NPRL2: variants seen among roughly 807,000 people sequenced by gnomAD.
The protein encoded by NPRL2 is NPR2 like, GATOR1 complex subunit.
In NPRL2, 21 loss-of-function variants were observed where a neutral mutation model predicts 51.1. The ratio of observed to expected loss-of-function variants is 0.41; its 90% CI spans 0.29 to 0.59. The LOEUF (loss-of-function observed/expected upper bound fraction) is 0.59, where lower values mean the gene tolerates loss of function less well. Ranked by LOEUF, NPRL2 falls within the 20% of genes least tolerant of loss-of-function variation. NPRL2 has a pLI of 0.29. For synonymous variants in NPRL2, 175 were observed against 187.8 expected, an observed-to-expected ratio of 0.93 and a Z score of 0.56; for missense variants, 376 against 483.4, an observed-to-expected ratio of 0.78 and a Z score of 2.08.
Position 50,348,556 on chromosome 3 carries a change from C to A in NPRL2, c.691G>T (p.Gly231Cys), listed in dbSNP as rs754424831. 2.5e-6 allele frequency: 4 copies of A among 1,614,096 alleles called. No individual in the cohort carries two copies. The highest frequency in any genetic ancestry group is 3.4e-6 in the Non-Finnish European group (4 of 1,180,032). Reference protein sequence around the residue: ...RIAIQNLLYYGVVTLVSILQY... With the variant: ...RIAIQNLLYYCVVTLVSILQY... The stretch of plus-strand genomic sequence containing the variant: ...AGGATGGACACCAGTGTCACAACGC[C>A]GTAGTACCTGAGAGAGAGAGCTGTG... Residue 231 changes from glycine to cysteine, a missense_variant, in exon 7 of 11, where the codon GGC (glycine) becomes TGC (cysteine). Coordinates refer to ENST00000232501, the MANE Select transcript of NPRL2 (RefSeq NM_006545.5). The surrounding 1 kb of genome is among the most constrained non-coding windows in gnomAD (Gnocchi z 5.8).
At position 50,349,743 on chromosome 3, in the gene NPRL2, G is replaced by A. The variant is rs1361871242; in HGVS notation, c.261C>T (p.Phe87=). 19 of 1,613,950 alleles carry A rather than the reference G, an allele frequency of 1.2e-5. No individual in the cohort carries two copies. The highest frequency in any genetic ancestry group is 3.3e-4 in the Middle Eastern group (2 of 6,062). The change falls in exon 3 of 11, where the codon TTC becomes TTT. Residue 87 remains phenylalanine (F), a synonymous_variant. Coordinates refer to ENST00000232501, the MANE Select transcript of NPRL2 (RefSeq NM_006545.5). This position sits in a 1 kb window ranked among gnomAD's most constrained non-coding sequence, Gnocchi z 4.6. ...SRNALLFNLG[F]VCDAQAKTCA... ...AGGTCTTGGCCTGGGCATCACACAC[G>A]AAGCCCAGGTTGAAGAGGAGAGCAT...
rs773952922 is a variant in NPRL2, at chr3:50,348,532, G to C, written c.715C>G (p.Leu239Val). 2 of 1,614,128 alleles carry C rather than the reference G, an allele frequency of 1.2e-6. No individual in the cohort carries two copies. Among genetic ancestry groups the C allele is most frequent in the Non-Finnish European group, 1.7e-6 (2 of 1,180,022 alleles). ...ACCAAACCCAACTCACCTACCTGGA[G>C]GATGGACACCAGTGTCACAACGCCG... ...YYGVVTLVSI[L>V]QYSNVYCPTP... is the part of the protein sequence containing the mutation. The change falls in exon 7 of 11, where the codon CTC becomes GTC. Residue 239 changes from leucine (L) to valine (V), a missense_variant. By Grantham distance (32) the Leu-to-Val change is conservative. Transcript: ENST00000232501. This position sits in a 1 kb window ranked among gnomAD's most constrained non-coding sequence, Gnocchi z 5.8.
In NPRL2 at chr3:50,347,470, A is replaced by C; in HGVS notation, c.*136T>G. The stretch of plus-strand genomic sequence containing the variant: ...GCTGGGTCTCCCACGGCTGGCCCAG[A>C]AACAGCACTCAATAAAGGCTGTTTG... On this transcript the variant is annotated 3_prime_UTR_variant, in exon 11 of 11. Coordinates refer to ENST00000232501, the MANE Select transcript of NPRL2 (RefSeq NM_006545.5). 8.8e-7 allele frequency: 1 copy of C among 1,134,048 alleles called. No homozygotes were observed. The highest frequency in any genetic ancestry group is 1.4e-5 in the South Asian group (1 of 73,464). 70.2% of individuals were successfully genotyped at this position (1,134,048 alleles called of 1,614,324 possible).
Position 50,347,797 on chromosome 3 carries a change from G to A in NPRL2, c.1037C>T (p.Thr346Ile), listed in dbSNP as rs1373463888. 1.9e-6 allele frequency: 3 copies of A among 1,613,976 alleles called. No homozygotes were observed. The highest frequency in any genetic ancestry group is 1.1e-5 in the South Asian group (1 of 91,082). The change falls in exon 10 of 11, where the codon ACA becomes ATA. Residue 346 changes from threonine (T) to isoleucine (I), a missense_variant. Coordinates refer to ENST00000232501, the MANE Select transcript of NPRL2 (RefSeq NM_006545.5). Reference sequence around the variant, plus strand: ...GATCTCGTCATAGCTGTGGCAGCCTGTATAAAGCCGGGCAGGGTGGCTCTG... The same window carrying A: ...GATCTCGTCATAGCTGTGGCAGCCTATATAAAGCCGGGCAGGGTGGCTCTG... ...EEQSHPARLY[T>I]GCHSYDEICC...
chr3:50,349,752 G>T lies in NPRL2; in HGVS notation c.252C>A (p.Asn84Lys). ...KKYSRNALLFNLGFVCDAQAK... is the reference protein window; with the variant it reads ...KKYSRNALLFKLGFVCDAQAK... ...CCTGGGCATCACACACGAAGCCCAGGTTGAAGAGGAGAGCATTGCGGCTGT... is the reference window on the plus strand; with the variant it reads ...CCTGGGCATCACACACGAAGCCCAGTTTGAAGAGGAGAGCATTGCGGCTGT... Residue 84 changes from asparagine to lysine, a missense_variant, in exon 3 of 11, where the codon AAC becomes AAA. Physicochemically the swap from Asn to Lys is moderately conservative, Grantham distance 94. Transcript: ENST00000232501. The surrounding 1 kb of genome is among the most constrained non-coding windows in gnomAD (Gnocchi z 4.6). 6.2e-7 allele frequency: 1 copy of T among 1,614,012 alleles called. No individual in the cohort carries two copies. Among genetic ancestry groups the T allele is most frequent in the Non-Finnish European group, 8.5e-7 (1 of 1,180,020 alleles).
In NPRL2 at chr3:50,349,462, G is replaced by A. The variant is rs1443507454; in HGVS notation, c.372C>T (p.Ser124=). ...TCATGATGGGCACCAACTTCTGCTT[G>A]CTCTCCTCCATGGACACGAAGCTGC... ...LESSFVSMEE[S]KQKLVPIMTI... The change falls in exon 4 of 11, where the codon AGC becomes AGT. Residue 124 remains serine, a synonymous_variant. Coordinates refer to ENST00000232501, the MANE Select transcript of NPRL2 (RefSeq NM_006545.5). The surrounding 1 kb of genome is among the most constrained non-coding windows in gnomAD (Gnocchi z 4.6). 3.1e-6 allele frequency: 5 copies of A among 1,613,664 alleles called. No homozygotes were observed. Among genetic ancestry groups the A allele is most frequent in the Admixed American group, 1.7e-5 (1 of 59,986 alleles).
chr3:50,348,096 C>T lies in NPRL2; in HGVS notation c.932+28G>A, dbSNP rs1575560154. The T allele has an allele frequency of 3.1e-6, 5 of 1,612,120 alleles. No individual in the cohort carries two copies. The East Asian group carries it at 1.1e-4, about 36-fold the overall frequency. On this transcript the variant is annotated intron_variant, in intron 9 of 10. Transcript: ENST00000232501. The surrounding 1 kb of genome is among the most constrained non-coding windows in gnomAD (Gnocchi z 5.8). ...GGTCTAGCTTCCCTCAGGTAACTCC[C>T]AAATGCCCCAGCAAATTCTCCTCTG...
chr3:50,347,965 C>G, intron 9 of NPRL2, 64 bp from the exon 10 acceptor site: 1 of 1,608,280 alleles, frequency 6.2e-7, no homozygotes. Context: ...CAGGCCAACC[C>G]TTTCCTGTAG....
chr3:50,349,288 C>G lies in NPRL2; in HGVS notation c.448+98G>C. On this transcript the variant is annotated intron_variant, in intron 4 of 10. Coordinates refer to ENST00000232501, the MANE Select transcript of NPRL2 (RefSeq NM_006545.5). This position sits in a 1 kb window ranked among gnomAD's most constrained non-coding sequence, Gnocchi z 4.6. ...CAGCCCATGGCTATTTCCTGCCCACCAATGTGTTCATGAGTCTTGCCCTTC... is the reference window on the plus strand; with the variant it reads ...CAGCCCATGGCTATTTCCTGCCCACGAATGTGTTCATGAGTCTTGCCCTTC... 9.0e-7 allele frequency: 1 copy of G among 1,105,236 alleles called. No individual in the cohort carries two copies. The highest frequency in any genetic ancestry group is 2.5e-5 in the East Asian group (1 of 40,652). 68.5% of individuals were successfully genotyped at this position (1,105,236 alleles called of 1,614,324 possible). A position where few individuals can be genotyped will look rare whatever the true frequency, so the allele number is the denominator to read the frequency against.
At position 50,347,349 on chromosome 3, in the gene NPRL2, TTTTTTTTG is replaced by T; in HGVS notation, c.*249_*256del. On this transcript the variant is annotated 3_prime_UTR_variant, in exon 11 of 11. Transcript: ENST00000232501. Reference sequence around the variant, plus strand: ...GGACGATTTTTTTTTTTTTTTTTTTTTTTTTTTGTAATTAACCGGCACTTTTATTTGTC... The same window carrying T: ...GGACGATTTTTTTTTTTTTTTTTTTTTAATTAACCGGCACTTTTATTTGTC... The T allele has an allele frequency of 1.3e-5, 3 of 234,758 alleles. No homozygotes were observed. The highest frequency in any genetic ancestry group is 2.5e-5 in the Non-Finnish European group (3 of 120,894). The allele number at this position is 234,758 out of a possible 1,614,324, so 14.5% of individuals were successfully genotyped here.
Position 50,349,072 on chromosome 3 carries a change from C to G in NPRL2, c.449-62G>C. 5 of 1,571,780 alleles carry G rather than the reference C, an allele frequency of 3.2e-6. No homozygotes were observed. The South Asian group carries it at 5.8e-5, about 18-fold the overall frequency. On this transcript the variant is annotated intron_variant, in intron 4 of 10. Transcript: ENST00000232501. This position sits in a 1 kb window ranked among gnomAD's most constrained non-coding sequence, Gnocchi z 4.6. ...CTTCCAAGAGGTCCTCAATTACCAT[C>G]CAGGCCTCCCAGCATCCCTTGGGGC...
At position 50,349,907 on chromosome 3, in the gene NPRL2, G is replaced by T; in HGVS notation, c.170+24C>A. On this transcript the variant is annotated intron_variant, in intron 2 of 10. Transcript: ENST00000232501. The surrounding 1 kb of genome is among the most constrained non-coding windows in gnomAD (Gnocchi z 4.6). ...CCTGGGACAACCCCTGCCACCCACC[G>T]CTCACCCCGAGCTAGGGTCTCACAC... 2 of 1,613,422 alleles carry T rather than the reference G, an allele frequency of 1.2e-6. No homozygotes were observed. Among genetic ancestry groups the T allele is most frequent in the Middle Eastern group, 3.3e-4 (2 of 6,060 alleles).
In NPRL2 at chr3:50,348,494, C is replaced by T. The variant is rs1215987730; in HGVS notation, c.720+33G>A. ...CCTGGTCTGGTCCAGCCACATGATC[C>T]ACTCTCCACTTAACCAAACCCAACT... On this transcript the variant is annotated intron_variant, in intron 7 of 10. Coordinates refer to ENST00000232501, the MANE Select transcript of NPRL2 (RefSeq NM_006545.5). This position sits in a 1 kb window ranked among gnomAD's most constrained non-coding sequence, Gnocchi z 5.8. 7.4e-6 allele frequency: 12 copies of T among 1,613,986 alleles called. No homozygotes were observed. In the East Asian group the frequency reaches 2.2e-4, roughly 30 times the overall value.
rs755032294 is a variant in NPRL2, at chr3:50,348,614, T to C, written c.684-51A>G. Reference sequence around the variant, plus strand: ...TCTGAGGACCATGCCTTCCCAACCCTCACACCCAGGGCCCCTGAGGTCTTC... The same window carrying C: ...TCTGAGGACCATGCCTTCCCAACCCCCACACCCAGGGCCCCTGAGGTCTTC... On this transcript the variant is annotated intron_variant, in intron 6 of 10. Coordinates refer to ENST00000232501, the MANE Select transcript of NPRL2 (RefSeq NM_006545.5). The surrounding 1 kb of genome is among the most constrained non-coding windows in gnomAD (Gnocchi z 5.8). 1 of 1,613,950 alleles carries C rather than the reference T, an allele frequency of 6.2e-7. No homozygotes were observed. Among genetic ancestry groups the C allele is most frequent in the South Asian group, 1.1e-5 (1 of 91,074 alleles).
In NPRL2 at chr3:50,349,799, C is replaced by T. The variant is rs898935413; in HGVS notation, c.205G>A (p.Val69Met). The change falls in exon 3 of 11, where the codon GTG becomes ATG. Residue 69 changes from valine (V) to methionine (M), a missense_variant. Val to Met is a conservative substitution (Grantham distance 21, BLOSUM62 1). Coordinates refer to ENST00000232501, the MANE Select transcript of NPRL2 (RefSeq NM_006545.5). This position sits in a 1 kb window ranked among gnomAD's most constrained non-coding sequence, Gnocchi z 4.6. Reference sequence around the variant, plus strand: ...CTGTACTTCTTGTGTTCGATGCACACAGGACAGCCGATCAGCTTCTTTTCC... The same window carrying T: ...CTGTACTTCTTGTGTTCGATGCACATAGGACAGCCGATCAGCTTCTTTTCC... ...AMEKKLIGCP[V>M]CIEHKKYSRN... 2 of 1,613,320 alleles carry T rather than the reference C, an allele frequency of 1.2e-6. No individual in the cohort carries two copies. The highest frequency in any genetic ancestry group is 2.2e-5 in the East Asian group (1 of 44,860).
In NPRL2 at chr3:50,347,448, G is replaced by A; in HGVS notation, c.*158C>T. 1.2e-6 allele frequency: 1 copy of A among 810,930 alleles called. No homozygotes were observed. Among genetic ancestry groups the A allele is most frequent in the Non-Finnish European group, 1.9e-6 (1 of 512,840 alleles). The allele number at this position is 810,930 out of a possible 1,614,324, so 50.2% of individuals were successfully genotyped here. A position where few individuals can be genotyped will look rare whatever the true frequency, so the allele number is the denominator to read the frequency against. On this transcript the variant is annotated 3_prime_UTR_variant, in exon 11 of 11. Transcript: ENST00000232501. ...GCTCGTGGCTATTTCATTCACTGCT[G>A]GGTCTCCCACGGCTGGCCCAGAAAC...
At position 50,347,688 on chromosome 3, in the gene NPRL2, G is replaced by A. The variant is rs1327618784; in HGVS notation, c.1076-15C>T. The A allele has an allele frequency of 2.5e-6, 4 of 1,614,028 alleles. No homozygotes were observed. The highest frequency in any genetic ancestry group is 1.7e-5 in the Admixed American group (1 of 60,024). ...GTAGCTCATGCCTGGGTGGGGTGGT[G>A]GAGGAGAGGTCAGTGGCCTTGGCCT... is the stretch of plus-strand genomic sequence containing the variant. On this transcript the variant is annotated splice_polypyrimidine_tract_variant and intron_variant, in intron 10 of 10. Transcript: ENST00000232501.
rs758275717 is a variant in NPRL2 at position 50,348,619 on chromosome 3, C to T, written c.684-56G>A. On this transcript the variant is annotated intron_variant, in intron 6 of 10. Coordinates refer to ENST00000232501, the MANE Select transcript of NPRL2 (RefSeq NM_006545.5). The surrounding 1 kb of genome is among the most constrained non-coding windows in gnomAD (Gnocchi z 5.8). Reference sequence around the variant, plus strand: ...GGACCATGCCTTCCCAACCCTCACACCCAGGGCCCCTGAGGTCTTCCCTGG... The same window carrying T: ...GGACCATGCCTTCCCAACCCTCACATCCAGGGCCCCTGAGGTCTTCCCTGG... The T allele has an allele frequency of 6.2e-7, 1 of 1,613,942 alleles. No individual in the cohort carries two copies. Among genetic ancestry groups the T allele is most frequent in the South Asian group, 1.1e-5 (1 of 91,078 alleles).
In NPRL2 at chr3:50,347,495, G is replaced by C. The variant is rs1345240862; in HGVS notation, c.*111C>G. 42 of 1,395,462 alleles carry C rather than the reference G, an allele frequency of 3.0e-5. No homozygotes were observed. The highest frequency in any genetic ancestry group is 4.3e-5 in the African/African-American group (3 of 70,584). 86.4% of individuals were successfully genotyped at this position (1,395,462 alleles called of 1,614,324 possible). A position where few individuals can be genotyped will look rare whatever the true frequency, so the allele number is the denominator to read the frequency against. ...AAACAGCACTCAATAAAGGCTGTTTGAAATGGATGTCTTTATTTACAGAAC... is the reference window on the plus strand; with the variant it reads ...AAACAGCACTCAATAAAGGCTGTTTCAAATGGATGTCTTTATTTACAGAAC... On this transcript the variant is annotated 3_prime_UTR_variant, in exon 11 of 11. Coordinates refer to ENST00000232501, the MANE Select transcript of NPRL2 (RefSeq NM_006545.5).
Sources: allele counts gnomAD v4.1 joint callset, GRCh38; gene constraint gnomAD v4.1.1; non-coding constraint Gnocchi (gnomAD v3.1); transcripts MANE v1.5; gene names NCBI Gene and HGNC (gene_info 2026-07-23, HGNC 2026-07-21).